PCCA: variants seen among roughly 807,000 people sequenced by gnomAD.
PCCA encodes propionyl-CoA carboxylase alpha chain, mitochondrial.
Under a neutral mutation model 101.3 loss-of-function variants are expected in PCCA, and 74 were observed. The ratio of observed to expected loss-of-function variants is 0.73; its 90% CI spans 0.61 to 0.89. PCCA has a LOEUF of 0.89. Among genes scored for constraint, PCCA ranks in the 40% least tolerant of loss-of-function variants. The pLI is 0.00. For synonymous variants in PCCA, 294 were observed against 313.6 expected, an observed-to-expected ratio of 0.94 and a Z score of 0.66; for missense variants, 891 against 907.0, an observed-to-expected ratio of 0.98 and a Z score of 0.23.
At chr13:100,414,685 A>G (rs2078246769) in intron 19 of PCCA, among the ~76,000 whole-genome samples, 1 of 152,186 alleles carries the variant, frequency 6.6e-6, no homozygotes, top group East Asian at 1.9e-4. Context: ...GAATTTAGTG[A>G]ACTATAATAA....
At chr13:100,224,293 G>T (rs994522545) in intron 7 of PCCA, among the ~76,000 whole-genome samples, 2 of 152,250 alleles carry the variant, frequency 1.3e-5, no homozygotes, top group Non-Finnish European at 1.5e-5. Context: ...GCTGGCCAGG[G>T]TGCTAAGTCC....
Position 100,342,153 on chromosome 13 carries a change from A to C in PCCA, c.1643+1894A>C, listed in dbSNP as rs1399299614. Among the ~76,000 whole-genome samples, 3 of 151,924 alleles carry C rather than the reference A, an allele frequency of 2.0e-5. No homozygotes were observed. The East Asian group carries it at 5.8e-4, about 29-fold the overall frequency. On this transcript the variant is annotated intron_variant, in intron 18 of 23. Transcript: ENST00000376285. ...TTATCTAGCTTCAATGACTGTAAAA[A>C]ATCTATCTTCCTTGTTTCATTTTTA... is the stretch of plus-strand genomic sequence containing the variant.
intron 16 of PCCA, among the ~76,000 whole-genome samples, chr13:100,322,577 T>C (rs1314510160): frequency 6.6e-6 from 1 of 151,828 alleles, no homozygotes; most frequent in African/African-American, 2.4e-5. Context: ...TTAATTTTTT[T>C]TTTTTCTTTT....
intron 8 of PCCA, among the ~76,000 whole-genome samples, chr13:100,246,407 T>A (rs368248207): frequency 1.3e-5 from 2 of 152,162 alleles, no homozygotes; most frequent in African/African-American, 2.4e-5. Flanking sequence ...CCTCCTAGGC[T>A]CAAGCGATCC....
chr13:100,138,012 C>T (rs2051394179), intron 4 of PCCA, among the ~76,000 whole-genome samples: 1 of 151,982 alleles, frequency 6.6e-6, no homozygotes, highest in South Asian at 2.1e-4. Flanking sequence ...TGGTCTTGAA[C>T]TCCTGGACTC....
At chr13:100,458,419 GCGCGCACACACACACACACATACACA>G (rs1345379722) in intron 21 of PCCA, among the ~76,000 whole-genome samples, 2,683 of 113,440 alleles carry the variant, frequency 0.024, 64 homozygotes, top group South Asian at 0.043. Context: ...CCCCATCTCT[GCGCGCACACACACACACACATACACA>G]CACACACACA....
chr13:100,400,194 A>G (rs1001397952), intron 19 of PCCA, among the ~76,000 whole-genome samples: 1 of 152,028 alleles, frequency 6.6e-6, no homozygotes, highest in Non-Finnish European at 1.5e-5. Flanking sequence ...GGTTTATTAA[A>G]CCATTCTTTC....
intron 19 of PCCA, among the ~76,000 whole-genome samples, chr13:100,372,352 A>AAAAAC (rs139660296): frequency 0.61 from 91,377 of 149,964 alleles, 29,050 homozygotes; most frequent in Non-Finnish European, 0.73. Context: ...ACCCTGTCTC[A>AAAAAC]AAAACAAAAC....
At chr13:100,340,367 T>G in intron 18 of PCCA, 108 bp downstream of exon 18, 2 of 725,618 alleles carry the variant, frequency 2.8e-6, no homozygotes, top group Admixed American at 3.8e-5. Context: ...TCTAGAGATC[T>G]TATGGGTCTT....
intron 19 of PCCA, among the ~76,000 whole-genome samples, chr13:100,418,312 G>A (rs564431625): frequency 1.3e-5 from 2 of 152,236 alleles, no homozygotes; most frequent in South Asian, 4.1e-4. Context: ...GCTGGTCAGG[G>A]CCAGCTGAGC....
At chr13:100,191,447 C>T (rs957090362) in intron 6 of PCCA, among the ~76,000 whole-genome samples, 1 of 152,130 alleles carries the variant, frequency 6.6e-6, no homozygotes, top group South Asian at 2.1e-4. Flanking sequence ...GGGTCACCTC[C>T]GTCCTAAGTG....
intron 4 of PCCA, chr13:100,151,102 T>G: frequency 7.4e-7 from 1 of 1,351,050 alleles, no homozygotes; most frequent in Non-Finnish European, 1.0e-6. Flanking sequence ...CCATCTTGGC[T>G]TACCTGATGG....
intron 18 of PCCA, among the ~76,000 whole-genome samples, chr13:100,350,342 TA>T (rs10709727): frequency 0.71 from 107,400 of 151,776 alleles, 38,353 homozygotes; most frequent in Middle Eastern, 0.81. Context: ...AACTATACAA[TA>T]AAAAAAAATA....
intron 22 of PCCA, among the ~76,000 whole-genome samples, chr13:100,519,819 C>T (rs552680751): frequency 7.9e-5 from 12 of 152,384 alleles, no homozygotes; most frequent in South Asian, 4.1e-4. Context: ...GCCCTCCCGA[C>T]GGGTGTTTGC....
chr13:100,270,546 CA>C (rs1424774860), intron 11 of PCCA, among the ~76,000 whole-genome samples: 1 of 152,016 alleles, frequency 6.6e-6, no homozygotes, highest in African/African-American at 2.4e-5. Context: ...TCTAGAAATA[CA>C]AACTTTTCAT....
At chr13:100,529,954 C>G in intron 23 of PCCA, 144 bp from the exon 24 acceptor site, 3 of 687,274 alleles carry the variant, frequency 4.4e-6, no homozygotes, top group Non-Finnish European at 7.7e-6. Flanking sequence ...CTTCGATGGG[C>G]TCCGGTGGGG....
At position 100,466,980 on chromosome 13, in the gene PCCA, G is replaced by A. The variant is rs537275984; in HGVS notation, c.1899+17675G>A. On this transcript the variant is annotated intron_variant, in intron 21 of 23. Transcript: ENST00000376285. ...TGACTGTAAAGTAGGTTGGCCGGGG[G>A]ACGATCGTTGCTTGCTGAGTGCCTG... Among the ~76,000 whole-genome samples, 289 of 152,278 alleles carry A rather than the reference G, an allele frequency of 1.9e-3. 4 individuals carry two copies. Among genetic ancestry groups the A allele is most frequent in the African/African-American group, 6.7e-3 (279 of 41,554 alleles).
chr13:100,337,118 T>TGA (rs1365772223), intron 17 of PCCA, among the ~76,000 whole-genome samples: 3 of 152,276 alleles, frequency 2.0e-5, no homozygotes, highest in Non-Finnish European at 4.4e-5. Flanking sequence ...TTAAAATACT[T>TGA]ACCGCGCCCC....
intron 22 of PCCA, among the ~76,000 whole-genome samples, chr13:100,520,123 A>C (rs928635681): frequency 6.6e-5 from 10 of 152,254 alleles, no homozygotes; most frequent in Admixed American, 6.5e-5. Flanking sequence ...AAATACTACA[A>C]ACATGCAGAA....
Sources: allele counts gnomAD v4.1 joint callset (sites outside exome capture counted in the v4.1 genomes callset), GRCh38; gene constraint gnomAD v4.1.1; transcripts MANE v1.5; gene names NCBI Gene and HGNC (gene_info 2026-07-23, HGNC 2026-07-21).